The following ELP4 variants were observed in gnomAD, a reference collection of about 807,000 sequenced individuals.
ELP4 encodes elongator complex protein 4.
Under a neutral mutation model 48.9 loss-of-function variants are expected in ELP4, and 51 were observed. That is an observed-to-expected ratio of 1.04 (90% CI 0.83 to 1.32). The LOEUF is 1.32. Ranked by LOEUF, ELP4 falls within the 40% of genes most tolerant of loss-of-function variation. The probability of loss-of-function intolerance (pLI) is 0.00; values close to 1 mark genes in which losing one functional copy is unlikely to be tolerated. For synonymous variants in ELP4, 210 were observed against 189.2 expected, an observed-to-expected ratio of 1.11 and a Z score of -0.90; for missense variants, 519 against 514.6, an observed-to-expected ratio of 1.01 and a Z score of -0.08.
chr11:31,584,071 G>A (rs1313310144), intron 3 of ELP4, among the ~76,000 whole-genome samples: 2 of 152,042 alleles, frequency 1.3e-5, no homozygotes, highest in African/African-American at 2.4e-5. Context: ...ATCATAAAAT[G>A]TTTTAATTGG....
intron 1 of ELP4, chr11:31,511,368 C>T (rs1339627736): frequency 6.6e-6 from 1 of 152,046 alleles, no homozygotes; most frequent in East Asian, 1.9e-4. Flanking sequence ...TTACTTGATA[C>T]TAAAACTTTC....
intron 9 of ELP4, among the ~76,000 whole-genome samples, chr11:31,712,293 C>A (rs1946757474): frequency 6.6e-6 from 1 of 151,958 alleles, no homozygotes; most frequent in Non-Finnish European, 1.5e-5. Context: ...CTGTTTTAAG[C>A]ATATGTTATC....
intron 9 of ELP4, among the ~76,000 whole-genome samples, chr11:31,745,256 G>A (rs1386570729): frequency 1.3e-5 from 2 of 152,104 alleles, no homozygotes; most frequent in African/African-American, 4.8e-5. Flanking sequence ...CAAACAAATG[G>A]AAGAACATTC....
chr11:31,699,430 A>G (rs563117761), intron 9 of ELP4, among the ~76,000 whole-genome samples: 1 of 152,342 alleles, frequency 6.6e-6, no homozygotes, highest in Admixed American at 6.5e-5. Context: ...TCATGAGCCC[A>G]TACTGAGATA....
At chr11:31,565,644 C>T (rs7113340) in intron 3 of ELP4, among the ~76,000 whole-genome samples, 88,076 of 140,258 alleles carry the variant, frequency 0.63, 29,758 homozygotes, top group African/African-American at 0.88. Context: ...CTTTCCCCAT[C>T]TCTTGTTTTT....
chr11:31,618,365 G>A lies in ELP4; in HGVS notation c.654-8745G>A, dbSNP rs143109985. On this transcript the variant is annotated intron_variant, in intron 5 of 9. Transcript: ENST00000640961. ...GCATGTTTGGTGTCGGTTAAGGACC[G>A]AGTCTCCACTTCCAACACGGTAGTT... Among the ~76,000 whole-genome samples, 166 of 152,058 alleles carry A rather than the reference G, an allele frequency of 1.1e-3. 1 individual carries two copies. Among genetic ancestry groups the A allele is most frequent in the Admixed American group, 4.9e-3 (75 of 15,226 alleles).
chr11:31,539,928 A>G (rs937133777), intron 3 of ELP4, 145 bp downstream of exon 3: 5 of 613,578 alleles, frequency 8.1e-6, no homozygotes, highest in African/African-American at 1.9e-5. Flanking sequence ...AAATCTCAGT[A>G]AAAAGTATCA....
At chr11:31,757,095 G>A (rs1185763613) in intron 9 of ELP4, among the ~76,000 whole-genome samples, 1 of 152,160 alleles carries the variant, frequency 6.6e-6, no homozygotes, top group Non-Finnish European at 1.5e-5. Context: ...AAAACAACAT[G>A]TGCCATCTTA....
chr11:31,596,265 C>T (rs1389869887), intron 4 of ELP4, among the ~76,000 whole-genome samples: 2 of 152,098 alleles, frequency 1.3e-5, no homozygotes, highest in Non-Finnish European at 1.5e-5. Context: ...ATTAGCTGGG[C>T]GTGGTGGCGG....
intron 9 of ELP4, among the ~76,000 whole-genome samples, chr11:31,746,271 C>T (rs1033668533): frequency 3.3e-5 from 5 of 152,184 alleles, no homozygotes; most frequent in East Asian, 1.9e-4. Flanking sequence ...GAAATAGGAA[C>T]ACTTTTACAC....
intron 3 of ELP4, among the ~76,000 whole-genome samples, chr11:31,548,227 C>T (rs1956771408): frequency 6.6e-6 from 1 of 152,146 alleles, no homozygotes; most frequent in African/African-American, 2.4e-5. Flanking sequence ...GATTGTATAT[C>T]TAGAAAATCC....
At chr11:31,583,293 T>C (rs1434083569) in intron 3 of ELP4, among the ~76,000 whole-genome samples, 2 of 152,212 alleles carry the variant, frequency 1.3e-5, no homozygotes, top group African/African-American at 4.8e-5. Flanking sequence ...CTCTATTCTT[T>C]TCTGCATGTT....
At chr11:31,773,785 A>G (rs1048419544) in intron 9 of ELP4, among the ~76,000 whole-genome samples, 3 of 152,220 alleles carry the variant, frequency 2.0e-5, no homozygotes, top group Admixed American at 6.5e-5. Context: ...GCACACCTTC[A>G]TAGCCCCTGA....
rs1948600390 is a variant in ELP4 at position 31,786,107 on chromosome 11, T to C, written c.*2583T>C. 1 of 202,332 alleles carries C rather than the reference T, an allele frequency of 4.9e-6. No homozygotes were observed. The allele number at this position is 202,332 out of a possible 1,614,324, so 12.5% of individuals were successfully genotyped here. ...GTAGCCACCATACAATATCTACTTT[T>C]CTCTTCCATTTATTCCTTATGTCCA... On this transcript the variant is annotated 3_prime_UTR_variant, in exon 10 of 10. Coordinates refer to ENST00000640961, the MANE Select transcript of ELP4 (RefSeq NM_019040.5).
chr11:31,563,280 T>G (rs190450245), intron 3 of ELP4, among the ~76,000 whole-genome samples: 73 of 152,090 alleles, frequency 4.8e-4, no homozygotes, highest in African/African-American at 1.8e-3. Context: ...AATGCATTGG[T>G]GATTAAGAGG....
chr11:31,558,228 A>T (rs1001302711), intron 3 of ELP4, among the ~76,000 whole-genome samples: 1 of 151,948 alleles, frequency 6.6e-6, no homozygotes, highest in Admixed American at 6.6e-5. Context: ...CTTCTTTGGC[A>T]AAGTAAAAAG....
intron 9 of ELP4, among the ~76,000 whole-genome samples, chr11:31,774,332 A>T (rs187889201): frequency 9.2e-5 from 14 of 152,260 alleles, no homozygotes; most frequent in African/African-American, 3.4e-4. Context: ...CCATTTTCTG[A>T]CCAGCCACTT....
intron 5 of ELP4, among the ~76,000 whole-genome samples, chr11:31,626,742 T>C (rs1193990469): frequency 6.6e-6 from 1 of 151,918 alleles, no homozygotes; most frequent in Non-Finnish European, 1.5e-5. Flanking sequence ...TAGCAGTTCA[T>C]TAACTATGTG....
chr11:31,748,985 G>A (rs1217117343), intron 9 of ELP4, among the ~76,000 whole-genome samples: 2 of 152,164 alleles, frequency 1.3e-5, no homozygotes, highest in African/African-American at 4.8e-5. Flanking sequence ...GCTAAAAGAG[G>A]AAGATCTTCC....
Sources: gnomAD v4.1 joint callset for allele counts (sites outside exome capture counted in the v4.1 genomes callset) on GRCh38, gnomAD v4.1.1 for gene constraint, MANE v1.5 for transcripts, NCBI Gene and HGNC (gene_info 2026-07-23, HGNC 2026-07-21) for gene names.